GLRA2: variants seen among roughly 807,000 people sequenced by gnomAD.
GLRA2 encodes the protein glycine receptor alpha 2, also known as glycine receptor subunit alpha-2.
Under a neutral mutation model 31.6 loss-of-function variants are expected in GLRA2, and 11 were observed. The ratio of observed to expected loss-of-function variants is 0.35; its 90% CI spans 0.22 to 0.58. The LOEUF (loss-of-function observed/expected upper bound fraction) is 0.58, where lower values mean the gene tolerates loss of function less well. Among genes scored for constraint, GLRA2 ranks in the 20% least tolerant of loss-of-function variants. The probability of loss-of-function intolerance (pLI) is 0.84; values close to 1 mark genes in which losing one functional copy is unlikely to be tolerated. For synonymous variants in GLRA2, 132 were observed against 134.0 expected, an observed-to-expected ratio of 0.99 and a Z score of 0.10; for missense variants, 212 against 351.8, an observed-to-expected ratio of 0.60 and a Z score of 3.18.
chrX:14,723,598 G>GCCCT (rs1161851728), intron 8 of GLRA2, among the ~76,000 whole-genome samples: 2 of 111,534 alleles, frequency 1.8e-5, no homozygotes, highest in Non-Finnish European at 3.8e-5. Context: ...GGTTTACAGG[G>GCCCT]CCCTATATGA....
At chrX:14,475,828 T>C in the GLRA2 span, among the ~76,000 whole-genome samples, 4 of 112,102 alleles carry the variant, frequency 3.6e-5, no homozygotes, top group Non-Finnish European at 7.5e-5. Context: ...GTATATTTCA[T>C]AATCCAATGT....
chrX:14,696,715 G>A (rs1041352327), intron 8 of GLRA2, among the ~76,000 whole-genome samples: 7 of 112,054 alleles, frequency 6.2e-5, no homozygotes, highest in African/African-American at 2.3e-4. Context: ...TGGGTTTGAG[G>A]AAGGAGGAAA....
At chrX:14,473,719 T>C in the GLRA2 span, among the ~76,000 whole-genome samples, 1 of 112,378 alleles carries the variant, frequency 8.9e-6, no homozygotes, top group Non-Finnish European at 1.9e-5. Flanking sequence ...TGCTCAGGCT[T>C]CATTTCTGTA....
chrX:14,530,113 C>G lies in GLRA2; in HGVS notation c.56C>G (p.Thr19Arg). 1 of 1,168,454 alleles carries G rather than the reference C, an allele frequency of 8.6e-7. No individual in the cohort carries two copies. The highest frequency in any genetic ancestry group is 1.2e-6 in the Non-Finnish European group (1 of 856,169). ...LTALFAFFLE[T>R]NHFRTAFCKD... ...GCCTTGTTTGCATTTTTCTTAGAGACAAACCACTTCAGGTAGGTGAAACGA... is the reference window on the plus strand; with the variant it reads ...GCCTTGTTTGCATTTTTCTTAGAGAGAAACCACTTCAGGTAGGTGAAACGA... The change falls in exon 1 of 9, where the codon ACA becomes AGA. Residue 19 changes from threonine (T) to arginine (R), a missense_variant. Transcript: ENST00000218075.
intron 8 of GLRA2, among the ~76,000 whole-genome samples, chrX:14,714,763 A>C (rs1485703205): frequency 1.8e-5 from 2 of 112,667 alleles, no homozygotes; most frequent in Non-Finnish European, 3.7e-5. Context: ...AGTACAAAGC[A>C]CCACAGTGCA....
chrX:14,550,227 GA>G (rs1343371375), intron 2 of GLRA2, among the ~76,000 whole-genome samples: 1 of 106,654 alleles, frequency 9.4e-6, no homozygotes, highest in Non-Finnish European at 1.9e-5. Context: ...GAGAGGGATT[GA>G]ATACTAGATT....
intron 2 of GLRA2, among the ~76,000 whole-genome samples, chrX:14,544,269 A>C (rs997383151): frequency 8.9e-6 from 1 of 112,150 alleles, no homozygotes; most frequent in South Asian, 3.7e-4. Flanking sequence ...TCTAATAATC[A>C]CCTACTGTTT....
chrX:14,725,855 C>CG (rs764201849), intron 8 of GLRA2, among the ~76,000 whole-genome samples: 1 of 112,092 alleles, frequency 8.9e-6, no homozygotes, highest in African/African-American at 3.2e-5. Context: ...ATACAGCAGA[C>CG]GGGATTAAGG....
chrX:14,557,187 C>T (rs1416025641), intron 2 of GLRA2, among the ~76,000 whole-genome samples: 2 of 88,322 alleles, frequency 2.3e-5, no homozygotes, highest in African/African-American at 8.9e-5. Flanking sequence ...GCGATCTCGG[C>T]TCACTGTAAG....
intron 4 of GLRA2, among the ~76,000 whole-genome samples, chrX:14,592,679 G>T (rs1007365043): frequency 9.0e-6 from 1 of 111,163 alleles, no homozygotes; most frequent in African/African-American, 3.3e-5. Flanking sequence ...CTCAAAAAAA[G>T]AAAAATTCAA....
At position 14,730,891 on chromosome X, in the gene GLRA2, TACACACACACACACACACACACACACAC is replaced by T. The variant is rs55910036; in HGVS notation, c.*438_*465del. ...AATTCTGGTACTGAAAAGTTAGCTATACACACACACACACACACACACACACACACACACACACACACACACACACACA... is the reference window on the plus strand; with the variant it reads ...AATTCTGGTACTGAAAAGTTAGCTATACACACACACACACACACACACACA... On this transcript the variant is annotated 3_prime_UTR_variant, in exon 9 of 9. Transcript: ENST00000218075. 1,940 of 97,798 alleles carry T rather than the reference TACACACACACACACACACACACACACAC, an allele frequency of 0.02. 55 individuals are homozygous for T. The highest frequency in any genetic ancestry group is 0.079 in the African/African-American group (1,716 of 21,852). The allele number at this position is 97,798 out of a possible 1,213,427, so 8.1% of individuals were successfully genotyped here. A position where few individuals can be genotyped will look rare whatever the true frequency, so the allele number is the denominator to read the frequency against.
intron 7 of GLRA2, among the ~76,000 whole-genome samples, chrX:14,615,146 A>T (rs917262692): frequency 8.9e-6 from 1 of 111,943 alleles, no homozygotes; most frequent in Middle Eastern, 4.6e-3. Context: ...TATCCCTATG[A>T]GGGCAAGGAC....
chrX:14,478,449 G>T, the GLRA2 span, among the ~76,000 whole-genome samples: 1 of 111,841 alleles, frequency 8.9e-6, no homozygotes, highest in Non-Finnish European at 1.9e-5. Flanking sequence ...TCATTGTATT[G>T]CTAGCTAGAT....
chrX:14,730,891 TACACACACACACACACACACACACAC>T lies in GLRA2; in HGVS notation c.*440_*465del, dbSNP rs55910036. 253 of 97,818 alleles carry T rather than the reference TACACACACACACACACACACACACAC, an allele frequency of 2.6e-3. No individual in the cohort carries two copies. Among genetic ancestry groups the T allele is most frequent in the Middle Eastern group, 8.4e-3 (2 of 237 alleles). 8.1% of individuals were successfully genotyped at this position (97,818 alleles called of 1,213,427 possible). On this transcript the variant is annotated 3_prime_UTR_variant, in exon 9 of 9. Coordinates refer to ENST00000218075, the MANE Select transcript of GLRA2 (RefSeq NM_002063.4). ...AATTCTGGTACTGAAAAGTTAGCTA[TACACACACACACACACACACACACAC>T]ACACACACACACACACACACACACA...
intron 2 of GLRA2, among the ~76,000 whole-genome samples, chrX:14,562,950 A>C (rs1275772609): frequency 8.9e-6 from 1 of 112,312 alleles, no homozygotes; most frequent in Non-Finnish European, 1.9e-5. Flanking sequence ...GTGAGTATTA[A>C]TTAAAAAAAT....
chrX:14,490,160 C>T, the GLRA2 span, among the ~76,000 whole-genome samples: 1 of 111,954 alleles, frequency 8.9e-6, no homozygotes, highest in African/African-American at 3.2e-5. Flanking sequence ...GGCTACTCAC[C>T]TGCCTGGGAT....
intron 7 of GLRA2, among the ~76,000 whole-genome samples, chrX:14,665,757 A>C (rs1346823335): frequency 1.8e-5 from 2 of 112,406 alleles, no homozygotes; most frequent in Non-Finnish European, 3.8e-5. Context: ...AGTGTAGGTT[A>C]ATCAAATATT....
chrX:14,460,521 G>A, the GLRA2 span, among the ~76,000 whole-genome samples: 1 of 111,530 alleles, frequency 9.0e-6, no homozygotes, highest in African/African-American at 3.3e-5. Context: ...TTGGTTGGTT[G>A]GCTATTAATT....
intron 3 of GLRA2, among the ~76,000 whole-genome samples, chrX:14,577,254 G>T (rs1262153850): frequency 8.8e-6 from 1 of 113,389 alleles, no homozygotes; most frequent in Non-Finnish European, 1.9e-5. Context: ...TAGCAAATAG[G>T]TGTGGTTGTG....
Sources: allele counts gnomAD v4.1 joint callset (sites outside exome capture counted in the v4.1 genomes callset), GRCh38; gene constraint gnomAD v4.1.1; transcripts MANE v1.5; gene names NCBI Gene and HGNC (gene_info 2026-07-23, HGNC 2026-07-21).